NRG3: variants seen among roughly 807,000 people sequenced by gnomAD.
NRG3 encodes the protein neuregulin 3.
A neutral mutation model predicts 66.9 loss-of-function variants in NRG3; 31 were observed. The ratio of observed to expected loss-of-function variants is 0.46; its 90% confidence interval spans 0.35 to 0.63. The LOEUF (loss-of-function observed/expected upper bound fraction) is 0.63. NRG3 is among the 20% of genes least tolerant of loss of function. NRG3 has a pLI of 0.00. For missense variants in NRG3, 910 were observed against 878.9 expected (o/e 1.04, Z -0.45); for synonymous variants, 393 against 359.4 (o/e 1.09, Z -1.06).
chr10:82,126,291 A>G (rs1166718642), intron 1 of NRG3, among the ~76,000 whole-genome samples: 1 of 152,098 alleles, frequency 6.6e-6, no homozygotes, highest in Non-Finnish European at 1.5e-5. Context: ...TTCTAAAAAT[A>G]TTATTCCCTA....
intron 2 of NRG3, among the ~76,000 whole-genome samples, chr10:82,634,999 C>T (rs536678593): frequency 1.3e-5 from 2 of 152,230 alleles, no homozygotes; most frequent in East Asian, 3.9e-4. Context: ...TAATCTAGAA[C>T]CTTCTTCTTA....
intron 2 of NRG3, among the ~76,000 whole-genome samples, chr10:82,615,561 A>G (rs2048594384): frequency 6.6e-6 from 1 of 152,186 alleles, no homozygotes; most frequent in African/African-American, 2.4e-5. Flanking sequence ...TTTAAAAATC[A>G]TGTAGCTTAT....
intron 1 of NRG3, among the ~76,000 whole-genome samples, chr10:82,057,116 T>C (rs35858401): frequency 0.25 from 37,294 of 151,984 alleles, 4,710 homozygotes; most frequent in Middle Eastern, 0.33. Context: ...CTTAAAATAT[T>C]TCTTTCCTAT....
rs570778565 is a variant in NRG3, at chr10:82,916,391, G to A, written c.1055-35078G>A. On this transcript the variant is annotated intron_variant, in intron 4 of 8. Transcript: ENST00000372141. ...TGCTTGAGCCTGGGAGGTCAAGGTT[G>A]TAGTGAGCCATACTTTCATTACTGT... Among the ~76,000 whole-genome samples the A allele has an allele frequency of 8.5e-5, 13 of 152,268 alleles. No homozygotes were observed. In the South Asian group the frequency reaches 2.5e-3, roughly 29 times the overall value.
intron 3 of NRG3, among the ~76,000 whole-genome samples, chr10:82,864,479 A>G (rs2064319793): frequency 6.6e-6 from 1 of 152,214 alleles, no homozygotes; most frequent in African/African-American, 2.4e-5. Flanking sequence ...AACAATTACA[A>G]TGGTAGCAAT....
chr10:82,620,670 A>C (rs1416361885), intron 2 of NRG3, among the ~76,000 whole-genome samples: 1 of 152,170 alleles, frequency 6.6e-6, no homozygotes, highest in Non-Finnish European at 1.5e-5. Context: ...TTATTCAAAA[A>C]GAAAGAATCA....
chr10:82,971,452 T>G lies in NRG3; in HGVS notation c.1285-2336T>G, dbSNP rs1163596046. Among the ~76,000 whole-genome samples the G allele has an allele frequency of 3.3e-5, 5 of 151,806 alleles. No individual in the cohort carries two copies. The South Asian group carries it at 1.0e-3, about 32-fold the overall frequency. On this transcript the variant is annotated intron_variant, in intron 6 of 8. Transcript: ENST00000372141. ...AAAGCCGTTCTTTTTTTTTTTTTTT[T>G]TTGATACAGAGTTTTACTCTCTTAC...
chr10:82,734,702 C>T (rs1369585736), intron 2 of NRG3, among the ~76,000 whole-genome samples: 2 of 151,964 alleles, frequency 1.3e-5, no homozygotes, highest in African/African-American at 4.8e-5. Flanking sequence ...AGAAACAAAA[C>T]AAATAACATG....
intron 1 of NRG3, among the ~76,000 whole-genome samples, chr10:82,271,521 C>G (rs6584602): frequency 0.13 from 19,561 of 152,042 alleles, 3,175 homozygotes; most frequent in African/African-American, 0.38. Flanking sequence ...TGTTAAAACT[C>G]TTTGCCTCTT....
intron 2 of NRG3, among the ~76,000 whole-genome samples, chr10:82,562,220 C>T (rs527476757): frequency 1.6e-4 from 24 of 152,256 alleles, no homozygotes; most frequent in Non-Finnish European, 3.1e-4. Flanking sequence ...CCATCATCTT[C>T]GTCTTCATCA....
At chr10:81,967,393 A>G (rs1301900129) in intron 1 of NRG3, among the ~76,000 whole-genome samples, 1 of 150,954 alleles carries the variant, frequency 6.6e-6, no homozygotes, top group Non-Finnish European at 1.5e-5. Context: ...TGTGAATGGG[A>G]CTTTTTGTTA....
intron 1 of NRG3, among the ~76,000 whole-genome samples, chr10:82,309,319 C>T (rs1335139632): frequency 2.0e-5 from 3 of 152,176 alleles, no homozygotes; most frequent in African/African-American, 7.2e-5. Flanking sequence ...TAACACACTT[C>T]TCTATACTTA....
intron 2 of NRG3, among the ~76,000 whole-genome samples, chr10:82,469,646 C>T (rs561377596): frequency 6.6e-6 from 1 of 152,148 alleles, no homozygotes; most frequent in South Asian, 2.1e-4. Context: ...GGAGAGCCAG[C>T]CTCTGAGTAC....
In NRG3 at chr10:82,865,418, C is replaced by G. The variant is rs1181863342; in HGVS notation, c.1035C>G (p.His345Gln). The G allele has an allele frequency of 6.2e-7, 1 of 1,612,878 alleles. No individual in the cohort carries two copies. Among genetic ancestry groups the G allele is most frequent in the Non-Finnish European group, 8.5e-7 (1 of 1,179,312 alleles). Residue 345 changes from histidine (H) to glutamine (Q), a missense_variant, in exon 4 of 9, where the codon CAC (histidine) becomes CAG (glutamine). Physicochemically the swap from His to Gln is conservative, Grantham distance 24 (BLOSUM62 0). Transcript: ENST00000372141. ...ATGCTGACTTTGGTGTAGCAGACCA[C>G]TTGGGGATTGAATTCATGGGTAAGA... ...TDSILSDPTDHLGIEFMESEE... is the reference protein window; with the variant it reads ...TDSILSDPTDQLGIEFMESEE...
intron 4 of NRG3, among the ~76,000 whole-genome samples, chr10:82,906,868 G>GT (rs1484757143): frequency 1.3e-5 from 2 of 152,030 alleles, no homozygotes; most frequent in Non-Finnish European, 2.9e-5. Flanking sequence ...TGAATCTAGT[G>GT]TTTTGTTTTT....
chr10:81,983,138 A>G (rs903869255), intron 1 of NRG3, among the ~76,000 whole-genome samples: 4 of 152,150 alleles, frequency 2.6e-5, no homozygotes, highest in African/African-American at 9.7e-5. Flanking sequence ...GGAAAGTGCT[A>G]AATTGCTTGT....
intron 1 of NRG3, among the ~76,000 whole-genome samples, chr10:82,132,746 TC>T (rs1191177590): frequency 6.6e-6 from 1 of 151,348 alleles, no homozygotes; most frequent in Non-Finnish European, 1.5e-5. Flanking sequence ...AGCTTTGATC[TC>T]ATTACTTGTT....
chr10:81,952,279 CG>C (rs1564685306), intron 1 of NRG3, among the ~76,000 whole-genome samples: 1 of 152,000 alleles, frequency 6.6e-6, no homozygotes, highest in African/African-American at 2.4e-5. Flanking sequence ...TGCCTTAGTC[CG>C]GTCCACTAAA....
intron 2 of NRG3, among the ~76,000 whole-genome samples, chr10:82,402,168 T>C: frequency 6.6e-6 from 1 of 152,124 alleles, no homozygotes; most frequent in East Asian, 1.9e-4. Flanking sequence ...GAGGCATATC[T>C]ATTTTAAAGA....
Sources: gnomAD v4.1 joint callset for allele counts (sites outside exome capture counted in the v4.1 genomes callset) on GRCh38, gnomAD v4.1.1 for gene constraint, MANE v1.5 for transcripts, NCBI Gene and HGNC (gene_info 2026-07-23, HGNC 2026-07-21) for gene names.